PTGS1: variants seen among roughly 807,000 people sequenced by gnomAD.
PTGS1 encodes the protein prostaglandin G/H synthase 1.
Under a neutral mutation model 63.0 loss-of-function variants are expected in PTGS1, and 40 were observed. The observed-to-expected ratio is 0.63, with a 90% CI of 0.49 to 0.83. The LOEUF is 0.83. PTGS1 is among the 40% of genes least tolerant of loss of function. PTGS1 has a pLI of 0.00. For missense variants in PTGS1, 709 were observed against 786.5 expected, an observed-to-expected ratio of 0.90 and a Z score of 1.18; for synonymous variants, 298 against 301.9, an observed-to-expected ratio of 0.99 and a Z score of 0.13.
In PTGS1 at chr9:122,395,491, A is replaced by G. The variant is rs1332855151; in HGVS notation, c.*2947A>G. 6.6e-6 allele frequency: 1 copy of G among 152,168 alleles called. No individual in the cohort carries two copies. The allele number at this position is 152,168 out of a possible 1,614,324, so 9.4% of individuals were successfully genotyped here. A position where few individuals can be genotyped will look rare whatever the true frequency, so the allele number is the denominator to read the frequency against. ...CAGTTGACTTTAAGTGAAAGAGATTACTTAAATAATTTGGGTGAGCTGCAC... is the reference window on the plus strand; with the variant it reads ...CAGTTGACTTTAAGTGAAAGAGATTGCTTAAATAATTTGGGTGAGCTGCAC... On this transcript the variant is annotated 3_prime_UTR_variant, in exon 11 of 11. Coordinates refer to ENST00000362012, the MANE Select transcript of PTGS1 (RefSeq NM_000962.4).
At position 122,393,033 on chromosome 9, in the gene PTGS1, C is replaced by G. The variant is rs201383162; in HGVS notation, c.*489C>G. 2 of 158,310 alleles carry G rather than the reference C, an allele frequency of 1.3e-5. No individual in the cohort carries two copies. Among genetic ancestry groups the G allele is most frequent in the Non-Finnish European group, 2.8e-5 (2 of 71,268 alleles). 9.8% of individuals were successfully genotyped at this position (158,310 alleles called of 1,614,324 possible). ...GGCTGTCTAGAATGTGGATTTGATTCATTTTCCTGTTCAGTGAGATATCAT... is the reference window on the plus strand; with the variant it reads ...GGCTGTCTAGAATGTGGATTTGATTGATTTTCCTGTTCAGTGAGATATCAT... On this transcript the variant is annotated 3_prime_UTR_variant, in exon 11 of 11. Transcript: ENST00000362012.
At chr9:122,387,109 C>G (rs1837920246) in intron 9 of PTGS1, among the ~76,000 whole-genome samples, 1 of 151,738 alleles carries the variant, frequency 6.6e-6, no homozygotes, top group Admixed American at 6.6e-5. Context: ...AGTAGAAAAG[C>G]CCACCATGCT....
chr9:122,379,147 CTT>C, intron 5 of PTGS1, among the ~76,000 whole-genome samples: 1 of 152,234 alleles, frequency 6.6e-6, no homozygotes, highest in South Asian at 2.1e-4. Flanking sequence ...CAGGGTGCCT[CTT>C]TGCTTGATCC....
At position 122,383,740 on chromosome 9, in the gene PTGS1, C is replaced by T. The variant is rs201808321; in HGVS notation, c.994C>T (p.Arg332Cys). 31 of 1,611,136 alleles carry T rather than the reference C, an allele frequency of 1.9e-5. No homozygotes were observed. Among genetic ancestry groups the T allele is most frequent in the Non-Finnish European group, 2.5e-5 (30 of 1,179,874 alleles). ...CGATGAGCAGCTTTTCCAGACGACC[C>T]GCCTCATCCTCATAGGTGAGGACTC... ...WGDEQLFQTTRLILIGETIKI... is the reference protein window; with the variant it reads ...WGDEQLFQTTCLILIGETIKI... Residue 332 changes from arginine (R) to cysteine (C), a missense_variant, in exon 8 of 11, where the codon CGC (arginine) becomes TGC (cysteine). Coordinates refer to ENST00000362012, the MANE Select transcript of PTGS1 (RefSeq NM_000962.4).
At chr9:122,382,662 T>C (rs10306152) in intron 7 of PTGS1, among the ~76,000 whole-genome samples, 20,828 of 152,212 alleles carry the variant, frequency 0.14, 1,593 homozygotes, top group Admixed American at 0.19. Flanking sequence ...GTGGCTACCA[T>C]ATTGGATCGT....
chr9:122,391,368 TATAC>T (rs774562114), intron 10 of PTGS1, among the ~76,000 whole-genome samples: 4 of 83,352 alleles, frequency 4.8e-5, no homozygotes, highest in Admixed American at 1.2e-4. Context: ...CATATATATA[TATAC>T]ATATATATAT....
chr9:122,370,892 A>T (rs977329028), upstream of PTGS1: 2 of 890,300 alleles, frequency 2.2e-6, no homozygotes, highest in Admixed American at 2.8e-5. Context: ...CGGCGAGCAT[A>T]CACTAATTAA....
rs1838530112 is a variant in PTGS1 at position 122,395,560 on chromosome 9, G to A, written c.*3016G>A. 6.6e-6 allele frequency: 1 copy of A among 152,152 alleles called. No individual in the cohort carries two copies. Among genetic ancestry groups the A allele is most frequent in the African/African-American group, 2.4e-5 (1 of 41,434 alleles). 9.4% of individuals were successfully genotyped at this position (152,152 alleles called of 1,614,324 possible). On this transcript the variant is annotated 3_prime_UTR_variant, in exon 11 of 11. Transcript: ENST00000362012. Reference sequence around the variant, plus strand: ...TCAAGAACAAACACTGCAGTTTCCTGGAAAAGAAGAAACTTTGCCTCAAGA... The same window carrying A: ...TCAAGAACAAACACTGCAGTTTCCTAGAAAAGAAGAAACTTTGCCTCAAGA...
At chr9:122,371,350 C>A in intron 2 of PTGS1, 78 bp downstream of exon 2, 2 of 1,583,188 alleles carry the variant, frequency 1.3e-6, no homozygotes, top group Non-Finnish European at 8.5e-7. Context: ...CCTTTCCCCT[C>A]CAGCGGGCCC....
At chr9:122,384,130 G>A (rs1423694342) in intron 8 of PTGS1, among the ~76,000 whole-genome samples, 3 of 152,118 alleles carry the variant, frequency 2.0e-5, no homozygotes, top group Admixed American at 6.5e-5. Flanking sequence ...TCCCCAGCAC[G>A]TGCAGGGTCA....
At chr9:122,381,780 G>T in intron 7 of PTGS1, 33 bp downstream of exon 7, 1 of 1,594,802 alleles carries the variant, frequency 6.3e-7, no homozygotes, top group Non-Finnish European at 8.6e-7. Flanking sequence ...GGCAGAGGGA[G>T]GGGTCTCCCA....
At chr9:122,378,346 C>G in intron 3 of PTGS1, 87 bp from the exon 4 acceptor site, 4 of 1,575,104 alleles carry the variant, frequency 2.5e-6, no homozygotes, top group East Asian at 2.2e-5. Flanking sequence ...CCACCCTGGC[C>G]CTTGTCCTCA....
At chr9:122,383,474 C>G (rs778645800) in intron 7 of PTGS1, 35 bp from the exon 8 acceptor site, 21 of 1,569,234 alleles carry the variant, frequency 1.3e-5, no homozygotes, top group Non-Finnish European at 1.8e-5. Flanking sequence ...TGGGTGACCC[C>G]CAACCCCAGG....
intron 2 of PTGS1, among the ~76,000 whole-genome samples, chr9:122,373,184 T>C (rs1179085089): frequency 2.6e-5 from 4 of 151,840 alleles, no homozygotes; most frequent in Non-Finnish European, 4.4e-5. Context: ...GAGGCTGAGG[T>C]TGGATGCGTA....
chr9:122,381,434 T>C lies in PTGS1; in HGVS notation c.560T>C (p.Ile187Thr). 6.2e-7 allele frequency: 1 copy of C among 1,614,202 alleles called. No individual in the cohort carries two copies. The highest frequency in any genetic ancestry group is 8.5e-7 in the Non-Finnish European group (1 of 1,180,032). ...CGCTTCCTGCTCAGGAGGAAGTTCA[T>C]ACCTGACCCCCAAGGCACCAACCTC... ...ARRFLLRRKFIPDPQGTNLMF... is the reference protein window; with the variant it reads ...ARRFLLRRKFTPDPQGTNLMF... Residue 187 changes from isoleucine (I) to threonine (T), a missense_variant, in exon 6 of 11, where the codon ATA becomes ACA. Transcript: ENST00000362012.
At chr9:122,391,430 T>C (rs111268471) in intron 10 of PTGS1, among the ~76,000 whole-genome samples, 11,258 of 25,316 alleles carry the variant, frequency 0.44, 1,453 homozygotes, top group African/African-American at 0.57. Context: ...TATATATACA[T>C]ATATATATAT....
Position 122,390,319 on chromosome 9 carries a change from C to T in PTGS1, c.1418C>T (p.Pro473Leu). 6.2e-7 allele frequency: 1 copy of T among 1,614,182 alleles called. No homozygotes were observed. The highest frequency in any genetic ancestry group is 8.5e-7 in the Non-Finnish European group (1 of 1,180,028). ...TACCGCAAGAGGTTTGGCATGAAAC[C>T]CTACACCTCCTTCCAGGAGCTCGTA... ...NEYRKRFGMK[P>L]YTSFQELVGE... is the part of the protein sequence containing the mutation. The change falls in exon 10 of 11, where the codon CCC (proline) becomes CTC (leucine). Residue 473 changes from proline (P) to leucine (L), a missense_variant. Coordinates refer to ENST00000362012, the MANE Select transcript of PTGS1 (RefSeq NM_000962.4).
At position 122,390,450 on chromosome 9, in the gene PTGS1, A is replaced by G. The variant is rs1029141757; in HGVS notation, c.1444+105A>G. The G allele has an allele frequency of 2.4e-5, 32 of 1,316,066 alleles. No individual in the cohort carries two copies. In the African/African-American group the frequency reaches 3.7e-4, roughly 15 times the overall value. The allele number at this position is 1,316,066 out of a possible 1,614,324, so 81.5% of individuals were successfully genotyped here. A position where few individuals can be genotyped will look rare whatever the true frequency, so the allele number is the denominator to read the frequency against. Reference sequence around the variant, plus strand: ...CGGGACAATACATGCGGCAATGTGTAACAACCAGACTTATAATGGGCGTGG... The same window carrying G: ...CGGGACAATACATGCGGCAATGTGTGACAACCAGACTTATAATGGGCGTGG... On this transcript the variant is annotated intron_variant, in intron 10 of 10. Coordinates refer to ENST00000362012, the MANE Select transcript of PTGS1 (RefSeq NM_000962.4).
chr9:122,381,105 C>G (rs10306148), intron 5 of PTGS1, among the ~76,000 whole-genome samples: 40,506 of 152,166 alleles, frequency 0.27, 8,659 homozygotes, highest in African/African-American at 0.59. Context: ...TATTTCATTT[C>G]TCCCCTCTCA....
Sources: allele counts gnomAD v4.1 joint callset (sites outside exome capture counted in the v4.1 genomes callset), GRCh38; gene constraint gnomAD v4.1.1; transcripts MANE v1.5; gene names NCBI Gene and HGNC (gene_info 2026-07-23, HGNC 2026-07-21).